PSD3: variants seen among roughly 807,000 people sequenced by gnomAD.
PSD3 encodes the protein pleckstrin and Sec7 domain containing 3, also known as PH and SEC7 domain-containing protein 3.
Under a neutral mutation model 105.5 loss-of-function variants are expected in PSD3, and 49 were observed. The observed-to-expected ratio is 0.46, with a 90% CI of 0.37 to 0.59. The LOEUF is 0.59. Among genes scored for constraint, PSD3 ranks in the 20% least tolerant of loss-of-function variants. The pLI is 0.00. For missense variants in PSD3, 1,561 were observed against 1,263.8 expected, an observed-to-expected ratio of 1.24 and a Z score of -3.57; for synonymous variants, 557 against 457.8, an observed-to-expected ratio of 1.22 and a Z score of -2.77.
chr8:18,595,942 T>A (rs1393964494), intron 12 of PSD3, among the ~76,000 whole-genome samples: 10 of 152,044 alleles, frequency 6.6e-5, no homozygotes, highest in Non-Finnish European at 1.3e-4. Flanking sequence ...CTCAACAGCA[T>A]GAGAATATAT....
chr8:18,909,722 G>T (rs1586394141), intron 2 of PSD3, among the ~76,000 whole-genome samples: 1 of 152,162 alleles, frequency 6.6e-6, no homozygotes, highest in African/African-American at 2.4e-5. Flanking sequence ...GACCTCAAGT[G>T]ATCTGCCCAC....
At chr8:18,624,714 GA>G (rs199690199) in intron 11 of PSD3, among the ~76,000 whole-genome samples, 10,817 of 147,772 alleles carry the variant, frequency 0.073, 476 homozygotes, top group East Asian at 0.2. Flanking sequence ...AAAAAATAAT[GA>G]AAAAAAAAAT....
At chr8:18,891,923 G>A (rs776029497) in intron 2 of PSD3, among the ~76,000 whole-genome samples, 41 of 152,116 alleles carry the variant, frequency 2.7e-4, no homozygotes, top group Non-Finnish European at 5.4e-4. Flanking sequence ...TTTTACAAAA[G>A]AAGAATATAG....
chr8:18,888,832 C>G (rs1039297026), intron 2 of PSD3, among the ~76,000 whole-genome samples: 1 of 152,130 alleles, frequency 6.6e-6, no homozygotes, highest in Non-Finnish European at 1.5e-5. Flanking sequence ...CCGCTCCTTC[C>G]AAGGGGAGGA....
At chr8:18,624,893 GTA>G (rs1259497992) in intron 11 of PSD3, among the ~76,000 whole-genome samples, 4 of 151,610 alleles carry the variant, frequency 2.6e-5, no homozygotes, top group Non-Finnish European at 5.9e-5. Context: ...AAATATGTAT[GTA>G]TATACGTATG....
chr8:18,998,932 T>A (rs1165990310), intron 1 of PSD3, among the ~76,000 whole-genome samples: 1 of 151,968 alleles, frequency 6.6e-6, no homozygotes, highest in African/African-American at 2.4e-5. Flanking sequence ...ACTCACTCAC[T>A]CTGTAGATGG....
At chr8:18,828,995 C>G (rs541733449) in intron 4 of PSD3, among the ~76,000 whole-genome samples, 1 of 152,050 alleles carries the variant, frequency 6.6e-6, no homozygotes, top group Non-Finnish European at 1.5e-5. Flanking sequence ...CGGCTTGAGC[C>G]TGGGAGGCAG....
chr8:18,767,714 T>C (rs1807136697), intron 8 of PSD3, among the ~76,000 whole-genome samples: 1 of 151,888 alleles, frequency 6.6e-6, no homozygotes. Context: ...GCCACTGCAC[T>C]CCAGCCTGGG....
intron 1 of PSD3, among the ~76,000 whole-genome samples, chr8:18,948,326 G>C (rs1206500843): frequency 6.6e-6 from 1 of 152,172 alleles, no homozygotes; most frequent in Non-Finnish European, 1.5e-5. Context: ...TTCTTAACAG[G>C]AGGATGGAGC....
intron 11 of PSD3, among the ~76,000 whole-genome samples, chr8:18,622,076 C>T (rs1400548728): frequency 6.6e-6 from 1 of 152,152 alleles, no homozygotes; most frequent in African/African-American, 2.4e-5. Flanking sequence ...GTGCTCCACA[C>T]CACTCCTTGT....
intron 1 of PSD3, among the ~76,000 whole-genome samples, chr8:18,969,023 C>T (rs542326546): frequency 1.6e-4 from 25 of 151,880 alleles, no homozygotes; most frequent in South Asian, 6.2e-4. Context: ...GTTATTATAA[C>T]ATCACAGAAA....
At chr8:18,601,108 C>T (rs1804410714) in intron 11 of PSD3, among the ~76,000 whole-genome samples, 1 of 152,164 alleles carries the variant, frequency 6.6e-6, no homozygotes, top group African/African-American at 2.4e-5. Flanking sequence ...GCAAGACAGA[C>T]ATTAAACACA....
Position 18,532,905 on chromosome 8 carries a change from G to T in PSD3, c.*2838C>A, listed in dbSNP as rs1157676803. The T allele has an allele frequency of 6.6e-6, 1 of 152,142 alleles. No individual in the cohort carries two copies. The highest frequency in any genetic ancestry group is 1.5e-5 in the Non-Finnish European group (1 of 68,040). 9.4% of individuals were successfully genotyped at this position (152,142 alleles called of 1,614,324 possible). On this transcript the variant is annotated 3_prime_UTR_variant, in exon 16 of 16. Coordinates refer to ENST00000327040, the MANE Select transcript of PSD3 (RefSeq NM_015310.4). ...GATTTTCTGTACTAGAAATTAATATGAAGTGTATTGACGTGAAGAAGAATG... is the reference window on the plus strand; with the variant it reads ...GATTTTCTGTACTAGAAATTAATATTAAGTGTATTGACGTGAAGAAGAATG...
intron 1 of PSD3, among the ~76,000 whole-genome samples, chr8:19,059,016 A>C (rs1828800863): frequency 6.6e-6 from 1 of 152,218 alleles, no homozygotes; most frequent in African/African-American, 2.4e-5. Context: ...CAAGAGCCAC[A>C]GGAAAGATTG....
intron 4 of PSD3, among the ~76,000 whole-genome samples, chr8:18,845,568 C>G (rs12546946): frequency 0.45 from 67,867 of 152,024 alleles, 15,674 homozygotes; most frequent in Admixed American, 0.52. Context: ...GGCCGCTGGA[C>G]CTCTTTCACT....
chr8:19,031,212 A>T (rs916661644), intron 1 of PSD3, among the ~76,000 whole-genome samples: 14 of 152,344 alleles, frequency 9.2e-5, no homozygotes, highest in East Asian at 1.9e-4. Context: ...CAAGTAAGCA[A>T]GAAATAAATT....
chr8:18,846,456 TTCCTTG>T (rs1815100942), intron 4 of PSD3, among the ~76,000 whole-genome samples: 2 of 152,160 alleles, frequency 1.3e-5, no homozygotes, highest in South Asian at 4.1e-4. Flanking sequence ...GGGAAACATG[TTCCTTG>T]TGAAGGTACA....
intron 4 of PSD3, among the ~76,000 whole-genome samples, chr8:18,839,872 C>T (rs1814466310): frequency 6.6e-6 from 1 of 152,190 alleles, no homozygotes. Flanking sequence ...TGGCAGTGGA[C>T]TGACAAATGT....
At chr8:18,944,736 T>A in intron 1 of PSD3, among the ~76,000 whole-genome samples, 1 of 152,330 alleles carries the variant, frequency 6.6e-6, no homozygotes, top group Non-Finnish European at 1.5e-5. Flanking sequence ...TATAATTTTA[T>A]TTATTTTTAT....
Sources: allele counts gnomAD v4.1 joint callset (sites outside exome capture counted in the v4.1 genomes callset), GRCh38; gene constraint gnomAD v4.1.1; transcripts MANE v1.5; gene names NCBI Gene and HGNC (gene_info 2026-07-23, HGNC 2026-07-21).